The following ZDHHC17 variants were observed in gnomAD, a reference collection of about 807,000 sequenced individuals.
ZDHHC17 encodes zDHHC palmitoyltransferase 17.
Under a neutral mutation model 90.3 loss-of-function variants are expected in ZDHHC17, and 40 were observed. The observed-to-expected ratio is 0.44, with a 90% CI of 0.34 to 0.58. The LOEUF (loss-of-function observed/expected upper bound fraction) is 0.58, where lower values mean the gene tolerates loss of function less well. Ranked by LOEUF, ZDHHC17 falls within the 20% of genes least tolerant of loss-of-function variation. ZDHHC17 has a pLI of 0.01. For synonymous variants in ZDHHC17, 235 were observed against 252.4 expected (o/e 0.93, Z 0.65); for missense variants, 614 against 780.8 (o/e 0.79, Z 2.55).
rs571802721 is a variant in ZDHHC17 at position 76,846,075 on chromosome 12, G to C, written c.1423+273G>C. 1.2e-3 allele frequency among the ~76,000 whole-genome samples: 180 copies of C among 152,152 alleles called. 1 individual carries two copies. Among genetic ancestry groups the C allele is most frequent in the Non-Finnish European group, 3.1e-4 (21 of 67,990 alleles). The stretch of plus-strand genomic sequence containing the variant: ...TTTTTTCTAGTTAAACTAGAGAGAT[G>C]AAGGCGGTAATATTTGAAATGATAT... On this transcript the variant is annotated intron_variant, in intron 13 of 16. Transcript: ENST00000426126.
chr12:76,848,762 C>T (rs748241345), intron 15 of ZDHHC17, among the ~76,000 whole-genome samples: 7 of 152,002 alleles, frequency 4.6e-5, no homozygotes, highest in Non-Finnish European at 7.4e-5. Context: ...CTCAGAGAGG[C>T]TGATAGGGAG....
chr12:76,809,139 AT>A lies in ZDHHC17; in HGVS notation c.398+26del. On this transcript the variant is annotated intron_variant, in intron 4 of 16. Coordinates refer to ENST00000426126, the MANE Select transcript of ZDHHC17 (RefSeq NM_015336.4). The stretch of plus-strand genomic sequence containing the variant: ...CCACAAGGTTTAAATTTGCTTCTGG[AT>A]TTTTTTCCTTTGGTTCCTTTATTAG... The A allele has an allele frequency of 5.3e-6, 8 of 1,519,336 alleles. No individual in the cohort carries two copies. Among genetic ancestry groups the A allele is most frequent in the South Asian group, 4.1e-5 (3 of 72,934 alleles). 94.1% of individuals were successfully genotyped at this position (1,519,336 alleles called of 1,614,324 possible).
At chr12:76,836,217 G>C (rs1198650069) in intron 10 of ZDHHC17, among the ~76,000 whole-genome samples, 1 of 151,806 alleles carries the variant, frequency 6.6e-6, no homozygotes, top group Non-Finnish European at 1.5e-5. Context: ...TATGTTCTTT[G>C]AAAGGGTTTG....
intron 7 of ZDHHC17, among the ~76,000 whole-genome samples, chr12:76,819,250 G>A (rs574654765): frequency 6.6e-4 from 100 of 152,260 alleles, no homozygotes; most frequent in South Asian, 3.3e-3. Flanking sequence ...TGTCTTAGCC[G>A]TGTGAACTAT....
intron 1 of ZDHHC17, among the ~76,000 whole-genome samples, chr12:76,765,173 C>T (rs1952417696): frequency 6.6e-6 from 1 of 152,206 alleles, no homozygotes. Flanking sequence ...GCACAGTTTG[C>T]TGAAGAACTC....
At chr12:76,783,795 C>T (rs1347940160) in intron 1 of ZDHHC17, among the ~76,000 whole-genome samples, 1 of 152,182 alleles carries the variant, frequency 6.6e-6, no homozygotes, top group African/African-American at 2.4e-5. Flanking sequence ...TAGCTGAGCC[C>T]TAAATGTAAT....
chr12:76,786,145 G>A (rs1191828741), intron 1 of ZDHHC17, among the ~76,000 whole-genome samples: 1 of 151,292 alleles, frequency 6.6e-6, no homozygotes, highest in African/African-American at 2.4e-5. Context: ...TAAAGAGATG[G>A]GATCTTGCTC....
intron 1 of ZDHHC17, among the ~76,000 whole-genome samples, chr12:76,785,768 G>A (rs1315598657): frequency 6.6e-6 from 1 of 152,148 alleles, no homozygotes; most frequent in Non-Finnish European, 1.5e-5. Context: ...AAGATACTGA[G>A]GTTTTTAAAA....
intron 10 of ZDHHC17, among the ~76,000 whole-genome samples, chr12:76,830,608 T>C (rs1953288447): frequency 6.6e-6 from 1 of 152,150 alleles, no homozygotes; most frequent in Admixed American, 6.5e-5. Flanking sequence ...GATCTGTTGG[T>C]TTTCATTACC....
intron 1 of ZDHHC17, among the ~76,000 whole-genome samples, chr12:76,779,927 T>G (rs1383885738): frequency 6.6e-6 from 1 of 152,146 alleles, no homozygotes; most frequent in African/African-American, 2.4e-5. Context: ...TCTCTTCCAT[T>G]GAATTGCTTT....
chr12:76,783,174 C>T (rs1398882796), intron 1 of ZDHHC17, among the ~76,000 whole-genome samples: 2 of 152,154 alleles, frequency 1.3e-5, no homozygotes, highest in African/African-American at 4.8e-5. Context: ...AGGTTTCTCC[C>T]ATGATTGAGG....
chr12:76,833,533 C>G (rs1953329051), intron 10 of ZDHHC17, among the ~76,000 whole-genome samples: 1 of 152,242 alleles, frequency 6.6e-6, no homozygotes, highest in Non-Finnish European at 1.5e-5. Flanking sequence ...TGGCTCACGC[C>G]TGTAATCCCA....
At chr12:76,809,642 A>G in intron 4 of ZDHHC17, 71 bp from the exon 5 acceptor site, 1 of 1,270,536 alleles carries the variant, frequency 7.9e-7, no homozygotes, top group Non-Finnish European at 1.0e-6. Flanking sequence ...CCTTACTTGA[A>G]AAAGCTCTTC....
intron 10 of ZDHHC17, among the ~76,000 whole-genome samples, chr12:76,832,206 A>G (rs1424786615): frequency 1.3e-5 from 2 of 152,248 alleles, no homozygotes; most frequent in East Asian, 3.8e-4. Flanking sequence ...AAAGGATGTT[A>G]GACAGGAAAT....
At chr12:76,790,097 G>T (rs978614066) in intron 1 of ZDHHC17, among the ~76,000 whole-genome samples, 2 of 152,162 alleles carry the variant, frequency 1.3e-5, no homozygotes, top group African/African-American at 2.4e-5. Context: ...GGGAATATGA[G>T]AACTACTCTC....
intron 2 of ZDHHC17, among the ~76,000 whole-genome samples, chr12:76,801,209 A>G (rs111358617): frequency 6.7e-6 from 1 of 150,324 alleles, no homozygotes. Context: ...TATATGCCAT[A>G]TAGCTTTTTT....
intron 1 of ZDHHC17, among the ~76,000 whole-genome samples, chr12:76,778,522 C>T (rs1989413): frequency 0.44 from 67,646 of 152,014 alleles, 15,413 homozygotes; most frequent in East Asian, 0.65. Context: ...TGTGCCCTGC[C>T]GGGAAGTTTT....
At chr12:76,822,729 A>AT (rs11386189) in intron 8 of ZDHHC17, among the ~76,000 whole-genome samples, 198 bp downstream of exon 8, 61,648 of 149,164 alleles carry the variant, frequency 0.41, 12,889 homozygotes, top group East Asian at 0.65. Flanking sequence ...TAATATTTGT[A>AT]TTTTTTTTTA....
chr12:76,832,924 G>A lies in ZDHHC17; in HGVS notation c.1141+4434G>A, dbSNP rs561213049. ...ATTTTTCACTGTTTTGTTCATGCCC[G>A]TTGAATTCATGGCACTTTTTCAGTG... On this transcript the variant is annotated intron_variant, in intron 10 of 16. Transcript: ENST00000426126. 6.6e-5 allele frequency among the ~76,000 whole-genome samples: 10 copies of A among 152,294 alleles called. No homozygotes were observed. In the East Asian group the frequency reaches 7.7e-4, roughly 12 times the overall value.
Sources: gnomAD v4.1 joint callset for allele counts (sites outside exome capture counted in the v4.1 genomes callset) on GRCh38, gnomAD v4.1.1 for gene constraint, MANE v1.5 for transcripts, NCBI Gene and HGNC (gene_info 2026-07-23, HGNC 2026-07-21) for gene names.